Variants in BICD2 observed in about 807,000 individuals in gnomAD.
BICD2 encodes protein bicaudal D homolog 2.
Under a neutral mutation model 72.9 loss-of-function variants are expected in BICD2, and 25 were observed. That is an observed-to-expected ratio of 0.34 (90% CI 0.25 to 0.48). The LOEUF (loss-of-function observed/expected upper bound fraction) is 0.48. Ranked by LOEUF, BICD2 falls within the 20% of genes least tolerant of loss-of-function variation. BICD2 has a pLI of 0.99. For synonymous variants in BICD2, 501 were observed against 516.1 expected, an observed-to-expected ratio of 0.97 and a Z score of 0.40; for missense variants, 894 against 1,175.2, an observed-to-expected ratio of 0.76 and a Z score of 3.50.
intron 6 of BICD2, 61 bp from the exon 7 acceptor site, chr9:92,715,524 G>C (rs907320990): frequency 6.6e-7 from 1 of 1,511,434 alleles, no homozygotes; most frequent in African/African-American, 1.4e-5. Flanking sequence ...GGGCAGGGCA[G>C]GGCAGGGCTA....
chr9:92,724,229 G>A (rs752071968), intron 2 of BICD2, among the ~76,000 whole-genome samples: 1 of 152,170 alleles, frequency 6.6e-6, no homozygotes, highest in Admixed American at 6.5e-5. Flanking sequence ...CTTGGCTTAT[G>A]CTATGGTTTC....
chr9:92,719,157 G>T lies in BICD2; in HGVS notation c.1488C>A (p.Arg496=), dbSNP rs750614733. Residue 496 remains arginine, a synonymous_variant, in exon 5 of 7, where the codon CGC becomes CGA. Transcript: ENST00000356884. ...CCTTCTCCAGCCGGGCCAGCAGCTC[G>T]CGGTCCTGGCGGCTGGCCTTCTCTA... ...SLLEKASRQD[R]ELLARLEKEL... 1 of 1,611,184 alleles carries T rather than the reference G, an allele frequency of 6.2e-7. No homozygotes were observed. Among genetic ancestry groups the T allele is most frequent in the African/African-American group, 1.3e-5 (1 of 74,930 alleles).
Position 92,764,469 on chromosome 9 carries a change from C to T in BICD2, c.240+36G>A, listed in dbSNP as rs1320828430. On this transcript the variant is annotated intron_variant, in intron 1 of 6. Transcript: ENST00000356884. This position sits in a 1 kb window ranked among gnomAD's most constrained non-coding sequence, Gnocchi z 5.5. ...GGACGACGCCCACAGGCCCCGGCGCCGGGCGGGGGTCGCAGGGCAGGGCGG... is the reference window on the plus strand; with the variant it reads ...GGACGACGCCCACAGGCCCCGGCGCTGGGCGGGGGTCGCAGGGCAGGGCGG... The T allele has an allele frequency of 2.1e-6, 3 of 1,457,336 alleles. No homozygotes were observed. The highest frequency in any genetic ancestry group is 3.0e-5 in the East Asian group (1 of 33,376). The allele number at this position is 1,457,336 out of a possible 1,614,324, so 90.3% of individuals were successfully genotyped here.
In BICD2 at chr9:92,764,610, C is replaced by T. The variant is rs1309880043; in HGVS notation, c.135G>A (p.Glu45=). 2.5e-6 allele frequency: 4 copies of T among 1,589,972 alleles called. No homozygotes were observed. The highest frequency in any genetic ancestry group is 2.3e-5 in the East Asian group (1 of 43,712). ...ETTREKIQAA[E]YGLAVLEEKH... ...TCTCCTCGAGCACCGCCAGCCCGTA[C>T]TCGGCCGCCTGGATCTTCTCACGCG... is the stretch of plus-strand genomic sequence containing the variant. The change falls in exon 1 of 7, where the codon GAG becomes GAA. Residue 45 remains glutamate (E), a synonymous_variant. Transcript: ENST00000356884. The surrounding 1 kb of genome is among the most constrained non-coding windows in gnomAD (Gnocchi z 5.5).
chr9:92,719,201 T>C lies in BICD2; in HGVS notation c.1444A>G (p.Thr482Ala). The change falls in exon 5 of 7, where the codon ACG becomes GCG. Residue 482 changes from threonine (T) to alanine (A), a missense_variant. Physicochemically the swap from Thr to Ala is moderately conservative, Grantham distance 58 (BLOSUM62 0). Coordinates refer to ENST00000356884, the MANE Select transcript of BICD2 (RefSeq NM_001003800.2). Reference protein sequence around the residue: ...GRYEAEGQALTEKVSLLEKAS... With the variant: ...GRYEAEGQALAEKVSLLEKAS... ...TTCTCTAGCAGGGAGACCTTCTCCG[T>C]GAGTGCCTGGCCCTCAGCCTCATAG... is the stretch of plus-strand genomic sequence containing the variant. 1 of 1,610,960 alleles carries C rather than the reference T, an allele frequency of 6.2e-7. No individual in the cohort carries two copies. The highest frequency in any genetic ancestry group is 8.5e-7 in the Non-Finnish European group (1 of 1,179,982).
At chr9:92,743,850 G>A (rs1853949653) in intron 1 of BICD2, among the ~76,000 whole-genome samples, 1 of 152,140 alleles carries the variant, frequency 6.6e-6, no homozygotes, top group Non-Finnish European at 1.5e-5. Context: ...GTCTTGAAAA[G>A]GCTCTTTATA....
chr9:92,756,541 G>T (rs1232373309), intron 1 of BICD2, among the ~76,000 whole-genome samples: 1 of 150,232 alleles, frequency 6.7e-6, no homozygotes. Context: ...GATTACAGGC[G>T]TGAGCCACTG....
chr9:92,721,453 T>C (rs1236124162), intron 3 of BICD2, among the ~76,000 whole-genome samples: 3 of 152,210 alleles, frequency 2.0e-5, no homozygotes, highest in Admixed American at 6.5e-5. Flanking sequence ...AAAAAGCAGA[T>C]AGAAACTGAT....
chr9:92,758,642 G>A (rs1564074621), intron 1 of BICD2, among the ~76,000 whole-genome samples: 1 of 150,690 alleles, frequency 6.6e-6, no homozygotes, highest in Non-Finnish European at 1.5e-5. Context: ...CCTGAGGTCA[G>A]GAGTTCGAGA....
intron 2 of BICD2, among the ~76,000 whole-genome samples, chr9:92,726,781 G>T (rs1005699334): frequency 2.0e-5 from 3 of 152,144 alleles, no homozygotes; most frequent in African/African-American, 7.2e-5. Context: ...ATTTCCTCCT[G>T]AAGCACAAAC....
chr9:92,732,117 C>T (rs774425207), intron 1 of BICD2, among the ~76,000 whole-genome samples: 6 of 152,160 alleles, frequency 3.9e-5, no homozygotes, highest in African/African-American at 9.7e-5. Context: ...CAGGCAAAGG[C>T]GCACAAATGA....
intron 1 of BICD2, among the ~76,000 whole-genome samples, chr9:92,749,644 T>C (rs1038003306): frequency 1.3e-5 from 2 of 152,240 alleles, no homozygotes; most frequent in Non-Finnish European, 2.9e-5. Flanking sequence ...TAGCCAGAAT[T>C]GGGTGCCATT....
intron 2 of BICD2, among the ~76,000 whole-genome samples, chr9:92,725,301 G>C (rs1048167134): frequency 5.3e-5 from 8 of 152,340 alleles, no homozygotes; most frequent in Admixed American, 4.6e-4. Flanking sequence ...GGCACACCCA[G>C]GTCAAATGCT....
intron 1 of BICD2, among the ~76,000 whole-genome samples, chr9:92,743,254 G>A (rs1471536449): frequency 1.3e-5 from 2 of 151,828 alleles, no homozygotes; most frequent in South Asian, 4.2e-4. Flanking sequence ...GTGTAGTGGT[G>A]AGATCACAGC....
intron 1 of BICD2, among the ~76,000 whole-genome samples, chr9:92,746,495 G>A (rs1854016564): frequency 1.4e-5 from 2 of 148,060 alleles, no homozygotes; most frequent in Non-Finnish European, 3.0e-5. Flanking sequence ...TCACACCACT[G>A]CACTCCAGCC....
At chr9:92,744,501 C>T (rs149480561) in intron 1 of BICD2, among the ~76,000 whole-genome samples, 1 of 152,234 alleles carries the variant, frequency 6.6e-6, no homozygotes, top group Non-Finnish European at 1.5e-5. Context: ...TCCATATTTA[C>T]CTTACACTCC....
In BICD2 at chr9:92,713,763, G is replaced by A. The variant is rs1259637222; in HGVS notation, c.*1391C>T. 5.4e-6 allele frequency: 7 copies of A among 1,306,230 alleles called. No individual in the cohort carries two copies. Among genetic ancestry groups the A allele is most frequent in the South Asian group, 4.9e-5 (3 of 60,620 alleles). The allele number at this position is 1,306,230 out of a possible 1,614,324, so 80.9% of individuals were successfully genotyped here. On this transcript the variant is annotated 3_prime_UTR_variant, in exon 7 of 7. Transcript: ENST00000356884. ...GGGGATCTGGGCCCAGGATGAACAC[G>A]CAGGGGACATACATGGGCGTGTCCT...
chr9:92,740,881 G>A lies in BICD2; in HGVS notation c.241-11645C>T, dbSNP rs141693946. Reference sequence around the variant, plus strand: ...CACAGCCATTGGCAAGATGGGCATCGGCACCAGCAGGCCTGCCTCACAGGA... The same window carrying A: ...CACAGCCATTGGCAAGATGGGCATCAGCACCAGCAGGCCTGCCTCACAGGA... On this transcript the variant is annotated intron_variant, in intron 1 of 6. Coordinates refer to ENST00000356884, the MANE Select transcript of BICD2 (RefSeq NM_001003800.2). Among the ~76,000 whole-genome samples the A allele has an allele frequency of 8.7e-4, 132 of 152,264 alleles. No individual in the cohort carries two copies. The East Asian group carries it at 0.015, about 18-fold the overall frequency.
chr9:92,729,658 C>T (rs1223627064), intron 1 of BICD2, among the ~76,000 whole-genome samples: 1 of 152,234 alleles, frequency 6.6e-6, no homozygotes, highest in African/African-American at 2.4e-5. Context: ...TCTGTCCATC[C>T]TGCTGCCTGA....
Sources: allele counts gnomAD v4.1 joint callset (sites outside exome capture counted in the v4.1 genomes callset), GRCh38; gene constraint gnomAD v4.1.1; non-coding constraint Gnocchi (gnomAD v3.1); transcripts MANE v1.5; gene names NCBI Gene and HGNC (gene_info 2026-07-23, HGNC 2026-07-21).